Variants in MCF2 observed in about 807,000 individuals in gnomAD.
MCF2 encodes MCF.2 cell line derived transforming sequence, also known as proto-oncogene DBL.
A neutral mutation model predicts 82.5 loss-of-function variants in MCF2; 44 were observed. The ratio of observed to expected loss-of-function variants is 0.53; its 90% CI spans 0.42 to 0.69. The LOEUF (loss-of-function observed/expected upper bound fraction) is 0.69, where lower values mean the gene tolerates loss of function less well. Ranked by LOEUF, MCF2 falls within the 30% of genes least tolerant of loss-of-function variation. The pLI is 0.00. For synonymous variants in MCF2, 217 were observed against 224.9 expected, an observed-to-expected ratio of 0.96 and a Z score of 0.32; for missense variants, 623 against 663.1, an observed-to-expected ratio of 0.94 and a Z score of 0.66.
intron 1 of MCF2, among the ~76,000 whole-genome samples, chrX:139,666,826 C>T (rs753127005): frequency 9.0e-6 from 1 of 111,556 alleles, no homozygotes; most frequent in Non-Finnish European, 1.9e-5. Context: ...TTCTCTTTGC[C>T]CTCAGGGATA....
chrX:139,673,498 A>G (rs1326966388), intron 1 of MCF2, among the ~76,000 whole-genome samples: 1 of 111,936 alleles, frequency 8.9e-6, no homozygotes, highest in Non-Finnish European at 1.9e-5. Flanking sequence ...TGTGTCCCAG[A>G]GATTCTGGTA....
At chrX:139,632,310 A>G in intron 2 of MCF2, 25 bp downstream of exon 5, 2 of 1,153,555 alleles carry the variant, frequency 1.7e-6, no homozygotes, top group Non-Finnish European at 2.3e-6. Flanking sequence ...TAGAGGAACA[A>G]AACATTTAAA....
chrX:139,641,407 A>C, intron 1 of MCF2, among the ~76,000 whole-genome samples: 1 of 110,721 alleles, frequency 9.0e-6, no homozygotes, highest in Middle Eastern at 4.8e-3. Flanking sequence ...AATAAAGCCA[A>C]CTATAGTTTT....
At chrX:139,684,736 A>G (rs1935081908) in intron 1 of MCF2, among the ~76,000 whole-genome samples, 1 of 112,169 alleles carries the variant, frequency 8.9e-6, no homozygotes, top group Admixed American at 9.5e-5. Context: ...ATATTGTATG[A>G]TTCTATGTAT....
At chrX:139,630,326 C>CG (rs765007305) in intron 3 of MCF2, among the ~76,000 whole-genome samples, 1 of 110,816 alleles carries the variant, frequency 9.0e-6, no homozygotes, top group Non-Finnish European at 1.9e-5. Flanking sequence ...TTGAAGGAAA[C>CG]GGGGGAAAAA....
Position 139,659,746 on chromosome X carries a change from C to T in MCF2, c.-44-7958G>A, listed in dbSNP as rs749617011. ...AAATAAATAAGAGGTAAAAACAGAG[C>T]ACAAACAAATAAAAATAGAAAGGGA... On this transcript the variant is annotated intron_variant, in intron 1 of 27. Coordinates refer to the MCF2 transcript ENST00000414978. 1.3e-4 allele frequency among the ~76,000 whole-genome samples: 15 copies of T among 111,965 alleles called. No homozygotes were observed. In the South Asian group the frequency reaches 2.6e-3, roughly 19 times the overall value.
chrX:139,588,433 A>G, exon 21 of MCF2: 2 of 1,164,604 alleles, frequency 1.7e-6, no homozygotes, highest in Non-Finnish European at 2.3e-6. Context: ...CATCTACATT[A>G]GAAGCCTAAA....
In MCF2 at chrX:139,622,787, C is replaced by A. The variant is rs751347015; in HGVS notation, c.688-3081G>T. ...AGGAGATATACCTAATGCTAAATGA[C>A]AAGTTAATAGGTGTAGCACACCAAC... On this transcript the variant is annotated intron_variant, in intron 6 of 24. Coordinates refer to ENST00000370576, the Ensembl canonical transcript of MCF2. Among the ~76,000 whole-genome samples the A allele has an allele frequency of 9.1e-5, 10 of 110,020 alleles. No individual in the cohort carries two copies. In the South Asian group the frequency reaches 3.6e-3, roughly 39 times the overall value.
intron 6 of MCF2, 22 bp from the exon 10 acceptor site, chrX:139,619,728 G>T: frequency 1.8e-6 from 2 of 1,086,464 alleles, no homozygotes; most frequent in Non-Finnish European, 2.4e-6. Flanking sequence ...AAACAAAGAG[G>T]TTTTAAAAAC....
At chrX:139,605,038 T>C in intron 13 of MCF2, 54 bp from the exon 18 acceptor site, 1 of 646,423 alleles carries the variant, frequency 1.5e-6, no homozygotes, top group South Asian at 3.6e-5. Flanking sequence ...GCACATTTGG[T>C]TGGGCTACTA....
chrX:139,597,476 G>A, exon 18 of MCF2: 1 of 1,196,777 alleles, frequency 8.4e-7, no homozygotes. Flanking sequence ...GCCATTTATT[G>A]CAATCTGATG....
intron 1 of MCF2, among the ~76,000 whole-genome samples, chrX:139,639,512 T>C (rs1261530762): frequency 9.0e-6 from 1 of 110,818 alleles, no homozygotes; most frequent in Non-Finnish European, 1.9e-5. Context: ...CTCTTCAAGG[T>C]AACGAGCACA....
intron 1 of MCF2, among the ~76,000 whole-genome samples, chrX:139,665,540 C>T (rs1375092527): frequency 9.0e-6 from 1 of 111,314 alleles, no homozygotes; most frequent in Non-Finnish European, 1.9e-5. Context: ...GATGTGGCTA[C>T]TGCAGGGTAG....
intron 1 of MCF2, among the ~76,000 whole-genome samples, chrX:139,685,571 G>A (rs1386146717): frequency 9.0e-6 from 1 of 111,085 alleles, no homozygotes; most frequent in African/African-American, 3.3e-5. Flanking sequence ...GCCCTTAAAA[G>A]GGACAGGAAT....
chrX:139,619,703 C>T, exon 7 of MCF2: 1 of 1,139,539 alleles, frequency 8.8e-7, no homozygotes. Context: ...ACTTCAGTCA[C>T]AAGCTAAAAA....
intron 20 of MCF2, among the ~76,000 whole-genome samples, chrX:139,589,139 T>C (rs1891709484): frequency 9.0e-6 from 1 of 111,688 alleles, no homozygotes; most frequent in African/African-American, 3.3e-5. Context: ...TGACTGATGG[T>C]AACATGAAAT....
Position 139,699,586 on chromosome X carries a change from G to T in MCF2, c.-45+8520C>A, listed in dbSNP as rs145275137. ...GATCTACCTATTCTGGACATTTCAT[G>T]TAGATGGAATCCTGTAATATGTAAC... is the stretch of plus-strand genomic sequence containing the variant. On this transcript the variant is annotated intron_variant, in intron 1 of 27. Transcript: ENST00000414978. Among the ~76,000 whole-genome samples the T allele has an allele frequency of 2.4e-3, 267 of 112,115 alleles. 1 individual carries two copies. The highest frequency in any genetic ancestry group is 7.1e-3 in the African/African-American group (221 of 30,918).
chrX:139,683,006 T>G (rs1935038760), intron 1 of MCF2, among the ~76,000 whole-genome samples: 1 of 111,876 alleles, frequency 8.9e-6, no homozygotes, highest in Non-Finnish European at 1.9e-5. Context: ...CACAGCTCAC[T>G]GCAGTCTTGA....
At chrX:139,699,067 A>T (rs1214776439) in intron 1 of MCF2, among the ~76,000 whole-genome samples, 1 of 111,824 alleles carries the variant, frequency 8.9e-6, no homozygotes, top group Non-Finnish European at 1.9e-5. Flanking sequence ...GCATAACTAG[A>T]TCTAGACTGT....
Sources: allele counts gnomAD v4.1 joint callset (sites outside exome capture counted in the v4.1 genomes callset), GRCh38; gene constraint gnomAD v4.1.1; transcripts MANE v1.5; gene names NCBI Gene and HGNC (gene_info 2026-07-23, HGNC 2026-07-21).